PIGW: variants seen among roughly 807,000 people sequenced by gnomAD.
The protein encoded by PIGW is glucosaminyl-phosphatidylinositol-acyltransferase PIGW.
A neutral mutation model predicts 34.0 loss-of-function variants in PIGW; 23 were observed. The observed-to-expected ratio is 0.68, with a 90% CI of 0.49 to 0.96. The LOEUF (loss-of-function observed/expected upper bound fraction) is 0.96. Among genes scored for constraint, PIGW ranks in the 40% least tolerant of loss-of-function variants. The pLI, the probability that PIGW is intolerant of heterozygous loss-of-function variation, is 0.00. For missense variants in PIGW, 574 were observed against 586.3 expected, an observed-to-expected ratio of 0.98 and a Z score of 0.22; for synonymous variants, 225 against 225.2, an observed-to-expected ratio of 1.00 and a Z score of 0.01.
At chr17:36,536,348 C>CT (rs776906240) in intron 1 of PIGW, among the ~76,000 whole-genome samples, 52 of 152,222 alleles carry the variant, frequency 3.4e-4, no homozygotes, top group Admixed American at 6.5e-4. Flanking sequence ...TCAAAATGTA[C>CT]TTGGCCCCTA....
At position 36,538,480 on chromosome 17, in the gene PIGW, G is replaced by A; in HGVS notation, c.1379G>A (p.Gly460Asp). ...TTCTTGCTGTCAAATATAACAACTG[G>A]CCTGATCAACCTGATGGTAGATACA... ...IFFLLSNITT[G>D]LINLMVDTLH... Residue 460 changes from glycine to aspartate, a missense_variant, in exon 2 of 2, where the codon GGC (glycine) becomes GAC (aspartate). Gly to Asp is a moderately conservative substitution (Grantham distance 94). Coordinates refer to ENST00000614443, the MANE Select transcript of PIGW (RefSeq NM_001346754.2). 1 of 1,614,060 alleles carries A rather than the reference G, an allele frequency of 6.2e-7. No homozygotes were observed. Among genetic ancestry groups the A allele is most frequent in the Non-Finnish European group, 8.5e-7 (1 of 1,180,002 alleles).
rs758231021 is a variant in PIGW, at chr17:36,538,539, G to A, written c.1438G>A (p.Val480Ile). The stretch of plus-strand genomic sequence containing the variant: ...CAGTACCTTGTGGGCCTTATTTGTG[G>A]TCAATCTCTATATGTTTTCCAACTG... ...HSSTLWALFV[V>I]NLYMFSNCLI... Residue 480 changes from valine (V) to isoleucine (I), a missense_variant, in exon 2 of 2, where the codon GTC becomes ATC. Coordinates refer to ENST00000614443, the MANE Select transcript of PIGW (RefSeq NM_001346754.2). The A allele has an allele frequency of 8.7e-6, 14 of 1,613,634 alleles. No homozygotes were observed. In the African/African-American group the frequency reaches 1.7e-4, roughly 20 times the overall value.
Position 36,538,759 on chromosome 17 carries a change from T to A in PIGW, c.*143T>A. On this transcript the variant is annotated 3_prime_UTR_variant, in exon 2 of 2. Coordinates refer to ENST00000614443, the MANE Select transcript of PIGW (RefSeq NM_001346754.2). ...CATCTAAACAGCAGTGATGCTTAAT[T>A]ATTTTTTTTTTTGAGACAGAGTCTT... 1.3e-6 allele frequency: 1 copy of A among 758,414 alleles called. No individual in the cohort carries two copies. The highest frequency in any genetic ancestry group is 2.1e-6 in the Non-Finnish European group (1 of 483,534). 47.0% of individuals were successfully genotyped at this position (758,414 alleles called of 1,614,324 possible).
In PIGW at chr17:36,537,510, A is replaced by C. The variant is rs2074158884; in HGVS notation, c.409A>C (p.Ser137Arg). ...PAISCFRVITSAFTAIAILAV... is the reference protein window; with the variant it reads ...PAISCFRVITRAFTAIAILAV... ...CATCTCCTGTTTCCGTGTAATTACCAGTGCGTTTACTGCTATTGCTATTTT... is the reference window on the plus strand; with the variant it reads ...CATCTCCTGTTTCCGTGTAATTACCCGTGCGTTTACTGCTATTGCTATTTT... The change falls in exon 2 of 2, where the codon AGT (serine) becomes CGT (arginine). Residue 137 changes from serine (S) to arginine (R), a missense_variant. Physicochemically the swap from Ser to Arg is moderately radical, Grantham distance 110. Transcript: ENST00000614443. 1 of 1,613,994 alleles carries C rather than the reference A, an allele frequency of 6.2e-7. No homozygotes were observed. The highest frequency in any genetic ancestry group is 1.3e-5 in the African/African-American group (1 of 74,898).
chr17:36,535,942 T>G (rs2074107068), intron 1 of PIGW, among the ~76,000 whole-genome samples: 1 of 152,202 alleles, frequency 6.6e-6, no homozygotes, highest in African/African-American at 2.4e-5. Flanking sequence ...GTCAACTGAT[T>G]TGAGTTGGTT....
At position 36,537,724 on chromosome 17, in the gene PIGW, C is replaced by T. The variant is rs36126803; in HGVS notation, c.623C>T (p.Pro208Leu). The T allele has an allele frequency of 1.1e-5, 17 of 1,613,924 alleles. No individual in the cohort carries two copies. The highest frequency in any genetic ancestry group is 1.4e-5 in the Non-Finnish European group (17 of 1,180,002). ...YFTNSLYSVWPLVFLGIGRLA... is the reference protein window; with the variant it reads ...YFTNSLYSVWLLVFLGIGRLA... ...ACAAACTCATTGTACTCTGTTTGGC[C>T]ATTAGTCTTCCTAGGAATCGGACGA... Residue 208 changes from proline to leucine, a missense_variant, in exon 2 of 2, where the codon CCA (proline) becomes CTA (leucine). Transcript: ENST00000614443.
rs1198359147 is a variant in PIGW at position 36,538,383 on chromosome 17, G to A, written c.1282G>A (p.Val428Ile). Reference protein sequence around the residue: ...VTNKKHSESLVPEAERMEPSL... With the variant: ...VTNKKHSESLIPEAERMEPSL... ...AAATAAAAAGCATTCAGAATCTCTA[G>A]TCCCTGAAGCCGAAAGAATGGAACC... is the stretch of plus-strand genomic sequence containing the variant. Residue 428 changes from valine (V) to isoleucine (I), a missense_variant, in exon 2 of 2, where the codon GTC (valine) becomes ATC (isoleucine). Physicochemically the swap from Val to Ile is conservative, Grantham distance 29. Coordinates refer to ENST00000614443, the MANE Select transcript of PIGW (RefSeq NM_001346754.2). The A allele has an allele frequency of 2.5e-6, 4 of 1,613,998 alleles. No individual in the cohort carries two copies. Among genetic ancestry groups the A allele is most frequent in the Non-Finnish European group, 3.4e-6 (4 of 1,180,010 alleles).
Position 36,537,478 on chromosome 17 carries a change from A to G in PIGW, c.377A>G (p.Asn126Ser). The change falls in exon 2 of 2, where the codon AAT becomes AGT. Residue 126 changes from asparagine (N) to serine (S), a missense_variant. Transcript: ENST00000614443. ...AACATCAGTCTAGAATCAGAATACA[A>G]TCCAGCCATCTCCTGTTTCCGTGTA... The part of the protein sequence containing the change: ...FLNISLESEY[N>S]PAISCFRVIT... 1 of 1,613,392 alleles carries G rather than the reference A, an allele frequency of 6.2e-7. No individual in the cohort carries two copies. Among genetic ancestry groups the G allele is most frequent in the South Asian group, 1.1e-5 (1 of 91,022 alleles).
In PIGW at chr17:36,537,145, A is replaced by G. The variant is rs1330652925; in HGVS notation, c.44A>G (p.Asn15Ser). The change falls in exon 2 of 2, where the codon AAT becomes AGT. Residue 15 changes from asparagine to serine, a missense_variant. Asn to Ser is a conservative substitution (Grantham distance 46). Coordinates refer to ENST00000614443, the MANE Select transcript of PIGW (RefSeq NM_001346754.2). Reference sequence around the variant, plus strand: ...AAGGAAGCTTTTGTCAGTAACCTCAATGGAACCACCGTGCTGGAAATCACC... The same window carrying G: ...AAGGAAGCTTTTGTCAGTAACCTCAGTGGAACCACCGTGCTGGAAATCACC... ...QMKEAFVSNL[N>S]GTTVLEITQG... is the part of the protein sequence containing the mutation. 4.3e-6 allele frequency: 7 copies of G among 1,611,156 alleles called. No homozygotes were observed. The highest frequency in any genetic ancestry group is 1.6e-4 in the Middle Eastern group (1 of 6,066).
rs2074175645 is a variant in PIGW at position 36,538,568 on chromosome 17, A to C, written c.1467A>C (p.Leu489Phe). Reference sequence around the variant, plus strand: ...ATCTCTATATGTTTTCCAACTGTTTAATTGTATATGTACTATATTTGCAAG... The same window carrying C: ...ATCTCTATATGTTTTCCAACTGTTTCATTGTATATGTACTATATTTGCAAG... ...VVNLYMFSNC[L>F]IVYVLYLQDK... Residue 489 changes from leucine to phenylalanine, a missense_variant, in exon 2 of 2, where the codon TTA becomes TTC. Transcript: ENST00000614443. The C allele has an allele frequency of 6.2e-7, 1 of 1,613,582 alleles. No individual in the cohort carries two copies. The highest frequency in any genetic ancestry group is 8.5e-7 in the Non-Finnish European group (1 of 1,179,604).
chr17:36,538,845 C>A lies in PIGW; in HGVS notation c.*229C>A. 1 of 418,262 alleles carries A rather than the reference C, an allele frequency of 2.4e-6. No homozygotes were observed. The highest frequency in any genetic ancestry group is 4.4e-6 in the Non-Finnish European group (1 of 228,690). The allele number at this position is 418,262 out of a possible 1,614,324, so 25.9% of individuals were successfully genotyped here. The stretch of plus-strand genomic sequence containing the variant: ...CTCAGCTCACTGCAACCTCCACCTC[C>A]CGGGTTCAAGCAATTCTCCTGCCTC... On this transcript the variant is annotated 3_prime_UTR_variant, in exon 2 of 2. Coordinates refer to ENST00000614443, the MANE Select transcript of PIGW (RefSeq NM_001346754.2).
Position 36,537,671 on chromosome 17 carries a change from T to A in PIGW, c.570T>A (p.Tyr190Ter), listed in dbSNP as rs371568140. The stretch of plus-strand genomic sequence containing the variant: ...GTCTAGAGGTCAGGAGGAGAAAATA[T>A]ATGGAAGGGTCCAAATTGCATTACT... ...MVCLEVRRRK[Y>*]MEGSKLHYFT... Residue 190 changes from tyrosine (Y) to a stop codon, truncating the protein, a stop_gained, in exon 2 of 2, where the codon TAT (tyrosine) becomes TAA (stop). Transcript: ENST00000614443. LOFTEE classifies it high-confidence loss of function. 1.2e-6 allele frequency: 2 copies of A among 1,614,066 alleles called. No homozygotes were observed. Among genetic ancestry groups the A allele is most frequent in the African/African-American group, 2.7e-5 (2 of 74,920 alleles).
In PIGW at chr17:36,538,032, G is replaced by A; in HGVS notation, c.931G>A (p.Gly311Arg). 3.1e-6 allele frequency: 5 copies of A among 1,614,050 alleles called. No homozygotes were observed. Among genetic ancestry groups the A allele is most frequent in the South Asian group, 1.1e-5 (1 of 91,072 alleles). ...ANREGIISTL[G>R]YVAIHMAGVQ... The stretch of plus-strand genomic sequence containing the variant: ...CCGCGAAGGAATAATCTCTACCCTG[G>A]GGTATGTGGCAATACACATGGCTGG... The change falls in exon 2 of 2, where the codon GGG becomes AGG. Residue 311 changes from glycine to arginine, a missense_variant. Coordinates refer to ENST00000614443, the MANE Select transcript of PIGW (RefSeq NM_001346754.2).
Position 36,538,806 on chromosome 17 carries a change from T to G in PIGW, c.*190T>G. On this transcript the variant is annotated 3_prime_UTR_variant, in exon 2 of 2. Coordinates refer to ENST00000614443, the MANE Select transcript of PIGW (RefSeq NM_001346754.2). ...TCTTGCTCTGTTACCCAGGCTGGAG[T>G]GTAGTGGTGCCATCTCAGCTCACTG... 2 of 553,024 alleles carry G rather than the reference T, an allele frequency of 3.6e-6. No homozygotes were observed. The highest frequency in any genetic ancestry group is 6.3e-6 in the Non-Finnish European group (2 of 317,856). The allele number at this position is 553,024 out of a possible 1,614,324, so 34.3% of individuals were successfully genotyped here.
chr17:36,535,454 G>A lies in PIGW; in HGVS notation c.-147G>A, dbSNP rs2074083092. 1 of 152,286 alleles carries A rather than the reference G, an allele frequency of 6.6e-6. No homozygotes were observed. Among genetic ancestry groups the A allele is most frequent in the Non-Finnish European group, 1.5e-5 (1 of 68,070 alleles). The allele number at this position is 152,286 out of a possible 1,614,324, so 9.4% of individuals were successfully genotyped here. A position where few individuals can be genotyped will look rare whatever the true frequency, so the allele number is the denominator to read the frequency against. On this transcript the variant is annotated 5_prime_UTR_variant, in exon 1 of 2. In the 5' UTR this introduces an upstream ATG that the reference lacks. Transcript: ENST00000614443. ...ACGCGCGGAATCGGCCGGCCCGGAAGTGCCAGCTGCCTGCGTCGGCCGGAA... is the reference window on the plus strand; with the variant it reads ...ACGCGCGGAATCGGCCGGCCCGGAAATGCCAGCTGCCTGCGTCGGCCGGAA...
rs541366475 is a variant in PIGW, at chr17:36,536,985, CA to C, written c.-8-106del. 107 of 961,052 alleles carry C rather than the reference CA, an allele frequency of 1.1e-4. No individual in the cohort carries two copies. The African/African-American group carries it at 1.7e-3, about 15-fold the overall frequency. The allele number at this position is 961,052 out of a possible 1,614,324, so 59.5% of individuals were successfully genotyped here. ...AATCCTAGGTGAACTCATTAGGGCC[CA>C]AAGTTCTGCTCTGAAATCTAGTAAT... On this transcript the variant is annotated intron_variant, in intron 1 of 1. Coordinates refer to ENST00000614443, the MANE Select transcript of PIGW (RefSeq NM_001346754.2).
Position 36,537,914 on chromosome 17 carries a change from A to T in PIGW, c.813A>T (p.Leu271Phe). Reference protein sequence around the residue: ...SWIIALGITVLYQLALDFTSL... With the variant: ...SWIIALGITVFYQLALDFTSL... Reference sequence around the variant, plus strand: ...TTATTGCCCTCGGCATTACTGTATTATACCAGCTAGCCCTTGACTTTACCT... The same window carrying T: ...TTATTGCCCTCGGCATTACTGTATTTTACCAGCTAGCCCTTGACTTTACCT... Residue 271 changes from leucine to phenylalanine, a missense_variant, in exon 2 of 2, where the codon TTA (leucine) becomes TTT (phenylalanine). By Grantham distance (22) the Leu-to-Phe change is conservative. Transcript: ENST00000614443. 6.2e-7 allele frequency: 1 copy of T among 1,614,120 alleles called. No homozygotes were observed. Among genetic ancestry groups the T allele is most frequent in the Non-Finnish European group, 8.5e-7 (1 of 1,180,012 alleles).
chr17:36,537,654 G>A lies in PIGW; in HGVS notation c.553G>A (p.Val185Ile). The change falls in exon 2 of 2, where the codon GTC becomes ATC. Residue 185 changes from valine to isoleucine, a missense_variant. Val to Ile is a conservative substitution (Grantham distance 29). Coordinates refer to ENST00000614443, the MANE Select transcript of PIGW (RefSeq NM_001346754.2). ...TGGGTCTGCAATGGTTTGTCTAGAG[G>A]TCAGGAGGAGAAAATATATGGAAGG... is the stretch of plus-strand genomic sequence containing the variant. ...VFGSAMVCLE[V>I]RRRKYMEGSK... The A allele has an allele frequency of 1.9e-6, 3 of 1,614,146 alleles. No homozygotes were observed. The highest frequency in any genetic ancestry group is 1.1e-5 in the South Asian group (1 of 91,074).
rs760941823 is a variant in PIGW, at chr17:36,538,512, A to G, written c.1411A>G (p.Ser471Gly). The G allele has an allele frequency of 9.3e-6, 15 of 1,613,870 alleles. No homozygotes were observed. Among genetic ancestry groups the G allele is most frequent in the Non-Finnish European group, 1.1e-5 (13 of 1,179,854 alleles). Residue 471 changes from serine (S) to glycine (G), a missense_variant, in exon 2 of 2, where the codon AGC (serine) becomes GGC (glycine). Transcript: ENST00000614443. Reference sequence around the variant, plus strand: ...CAACCTGATGGTAGATACATTACACAGCAGTACCTTGTGGGCCTTATTTGT... The same window carrying G: ...CAACCTGATGGTAGATACATTACACGGCAGTACCTTGTGGGCCTTATTTGT... The part of the protein sequence containing the change: ...LINLMVDTLH[S>G]STLWALFVVN...
Sources: gnomAD v4.1 joint callset for allele counts (sites outside exome capture counted in the v4.1 genomes callset) on GRCh38, gnomAD v4.1.1 for gene constraint, MANE v1.5 for transcripts, NCBI Gene and HGNC (gene_info 2026-07-23, HGNC 2026-07-21) for gene names.